PTPRS: variants seen among roughly 807,000 people sequenced by gnomAD.
The protein encoded by PTPRS is protein tyrosine phosphatase receptor type S.
Under a neutral mutation model 215.3 loss-of-function variants are expected in PTPRS, and 63 were observed. That is an observed-to-expected ratio of 0.29 (90% CI 0.24 to 0.36). PTPRS has a LOEUF of 0.36. PTPRS is among the 10% of genes least tolerant of loss of function. PTPRS has a pLI of 1.00. For synonymous variants in PTPRS, 1,404 were observed against 1,191.4 expected (o/e 1.18, Z -3.68); for missense variants, 2,258 against 2,825.8 (o/e 0.80, Z 4.56).
rs1300483218 is a variant in PTPRS at position 5,214,545 on chromosome 19, G to C, written c.4494+16C>G. On this transcript the variant is annotated intron_variant, in intron 29 of 37. Transcript: ENST00000262963. ...TGACTGGCAGGGGCTTGAGGGCCGT[G>C]GGGTCCAAGGCTCACCCGTGACTTC... 1 of 1,612,090 alleles carries C rather than the reference G, an allele frequency of 6.2e-7. No homozygotes were observed. Among genetic ancestry groups the C allele is most frequent in the Non-Finnish European group, 8.5e-7 (1 of 1,178,756 alleles).
At chr19:5,241,719 C>G (rs2044055200) in intron 11 of PTPRS, among the ~76,000 whole-genome samples, 1 of 152,028 alleles carries the variant, frequency 6.6e-6, no homozygotes, top group Non-Finnish European at 1.5e-5. Flanking sequence ...AGCCTGAGCC[C>G]CAAAGGAAAG....
chr19:5,228,320 G>A (rs114773025), intron 16 of PTPRS, among the ~76,000 whole-genome samples: 1,586 of 134,818 alleles, frequency 0.012, 41 homozygotes, highest in African/African-American at 0.043. Context: ...ACTCCAGCCC[G>A]GGCGATAGTG....
At chr19:5,215,125 G>T (rs1345471135) in intron 28 of PTPRS, among the ~76,000 whole-genome samples, 164 bp downstream of exon 28, 1 of 152,262 alleles carries the variant, frequency 6.6e-6, no homozygotes, top group Admixed American at 6.5e-5. Flanking sequence ...AGAGAGAGCA[G>T]CCATCAGTTA....
intron 11 of PTPRS, among the ~76,000 whole-genome samples, chr19:5,242,087 G>T (rs1335686963): frequency 1.3e-5 from 2 of 152,236 alleles, no homozygotes; most frequent in African/African-American, 2.4e-5. Flanking sequence ...ACCTGCCTCA[G>T]CCTCCCAACG....
At chr19:5,252,743 G>A (rs572433447) in intron 9 of PTPRS, among the ~76,000 whole-genome samples, 53 of 150,836 alleles carry the variant, frequency 3.5e-4, no homozygotes, top group Non-Finnish European at 6.8e-4. Flanking sequence ...GCGTGGTGGA[G>A]GGCAACTGTA....
intron 1 of PTPRS, among the ~76,000 whole-genome samples, chr19:5,291,295 T>C (rs2048796502): frequency 6.6e-6 from 1 of 151,982 alleles, no homozygotes; most frequent in African/African-American, 2.4e-5. Flanking sequence ...TTTTCTGCTG[T>C]TTAACGGATT....
At chr19:5,278,865 G>C (rs1397865576) in intron 2 of PTPRS, among the ~76,000 whole-genome samples, 1 of 151,946 alleles carries the variant, frequency 6.6e-6, no homozygotes, top group East Asian at 1.9e-4. Context: ...GTAATAAAGT[G>C]TCGCAAATGG....
At chr19:5,224,542 G>A (rs1035303632) in intron 17 of PTPRS, among the ~76,000 whole-genome samples, 5 of 152,214 alleles carry the variant, frequency 3.3e-5, no homozygotes, top group Admixed American at 2.0e-4. Flanking sequence ...TCTGGGATCA[G>A]GCAAAGAAGG....
intron 30 of PTPRS, among the ~76,000 whole-genome samples, 158 bp downstream of exon 30, chr19:5,214,203 C>T (rs192542493): frequency 6.6e-6 from 1 of 152,350 alleles, no homozygotes; most frequent in East Asian, 1.9e-4. Flanking sequence ...TTTCCCCCTC[C>T]ACGGAAGTGG....
At chr19:5,325,389 G>A (rs564480556) in intron 1 of PTPRS, among the ~76,000 whole-genome samples, 1 of 152,274 alleles carries the variant, frequency 6.6e-6, no homozygotes, top group Non-Finnish European at 1.5e-5. Flanking sequence ...GGAGTCGGGG[G>A]ATATGATGGG....
At chr19:5,255,557 C>A (rs968314130) in intron 9 of PTPRS, among the ~76,000 whole-genome samples, 1 of 148,266 alleles carries the variant, frequency 6.7e-6, no homozygotes, top group Non-Finnish European at 1.5e-5. Context: ...TTTTTTCCCC[C>A]CAAAACGAAA....
chr19:5,298,752 C>G (rs1036539058), intron 1 of PTPRS, among the ~76,000 whole-genome samples: 4 of 152,248 alleles, frequency 2.6e-5, no homozygotes, highest in African/African-American at 9.6e-5. Flanking sequence ...TGTCCGCCCC[C>G]GCAGGCCAGG....
At chr19:5,285,888 A>G (rs1318640280) in intron 2 of PTPRS, among the ~76,000 whole-genome samples, 162 bp downstream of exon 2, 1 of 152,240 alleles carries the variant, frequency 6.6e-6, no homozygotes, top group Non-Finnish European at 1.5e-5. Flanking sequence ...CTCAGCACAC[A>G]GTCCTCAGCA....
intron 2 of PTPRS, among the ~76,000 whole-genome samples, chr19:5,285,226 G>A (rs367832152): frequency 1.3e-5 from 2 of 152,192 alleles, no homozygotes; most frequent in African/African-American, 4.8e-5. Context: ...TGGCAGCAGA[G>A]CCAGGATTCA....
At chr19:5,219,128 G>A (rs2041752808) in intron 23 of PTPRS, 182 bp downstream of exon 23, 2 of 832,896 alleles carry the variant, frequency 2.4e-6, no homozygotes, top group Non-Finnish European at 3.7e-6. Flanking sequence ...CCTGCTTTGA[G>A]CCCTAGCTCT....
In PTPRS at chr19:5,339,289, C is replaced by T. The variant is rs2050608226; in HGVS notation, c.-95+1375G>A. Among the ~76,000 whole-genome samples the T allele has an allele frequency of 1.3e-5, 2 of 151,988 alleles. No homozygotes were observed. Among genetic ancestry groups the T allele is most frequent in the East Asian group, 3.9e-4 (2 of 5,158 alleles). ...GTTTGTTAATTTGGGGGAATGAGGT[C>T]CCAGGAGGTGGCTGGATTTGAGGAA... On this transcript the variant is annotated intron_variant, in intron 1 of 37. Coordinates refer to ENST00000262963, the MANE Select transcript of PTPRS (RefSeq NM_002850.4). This position sits in a 1 kb window ranked among gnomAD's most constrained non-coding sequence, Gnocchi z 4.2.
chr19:5,238,890 A>G, intron 13 of PTPRS, 29 bp downstream of exon 13: 1 of 1,560,942 alleles, frequency 6.4e-7, no homozygotes, highest in Non-Finnish European at 8.6e-7. Flanking sequence ...TCCCTCCCGC[A>G]GAGAAGGGCG....
Position 5,295,019 on chromosome 19 carries a change from C to T in PTPRS, c.-94-8785G>A, listed in dbSNP as rs2049091516. Among the ~76,000 whole-genome samples, 4 of 152,192 alleles carry T rather than the reference C, an allele frequency of 2.6e-5. No homozygotes were observed. The highest frequency in any genetic ancestry group is 1.3e-4 in the Admixed American group (2 of 15,286). On this transcript the variant is annotated intron_variant, in intron 1 of 37. Coordinates refer to ENST00000262963, the MANE Select transcript of PTPRS (RefSeq NM_002850.4). This position sits in a 1 kb window ranked among gnomAD's most constrained non-coding sequence, Gnocchi z 4.6. ...TCAATGTAGGCGTAGGAGCAACCAGCGTGACCTCCCCAACTTGGCTGGGCA... is the reference window on the plus strand; with the variant it reads ...TCAATGTAGGCGTAGGAGCAACCAGTGTGACCTCCCCAACTTGGCTGGGCA...
chr19:5,243,859 C>T (rs375047344), intron 11 of PTPRS, 42 bp downstream of exon 11: 20 of 1,424,796 alleles, frequency 1.4e-5, no homozygotes, highest in African/African-American at 1.1e-4. Flanking sequence ...AGAACCAAGC[C>T]GCACGGCCGG....
Sources: gnomAD v4.1 joint callset for allele counts (sites outside exome capture counted in the v4.1 genomes callset) on GRCh38, gnomAD v4.1.1 for gene constraint, Gnocchi (gnomAD v3.1) non-coding constraint, MANE v1.5 for transcripts, NCBI Gene and HGNC (gene_info 2026-07-23, HGNC 2026-07-21) for gene names.